ARHGAP26: variants seen among roughly 807,000 people sequenced by gnomAD.
ARHGAP26 encodes rho GTPase-activating protein 26.
In ARHGAP26, 38 loss-of-function variants were observed where a neutral mutation model predicts 104.8. The observed-to-expected ratio is 0.36, with a 90% CI of 0.28 to 0.48. ARHGAP26 has a LOEUF of 0.48. Ranked by LOEUF, ARHGAP26 falls within the 20% of genes least tolerant of loss-of-function variation. The pLI is 0.99. For missense variants in ARHGAP26, 704 were observed against 947.9 expected, an observed-to-expected ratio of 0.74 and a Z score of 3.38; for synonymous variants, 341 against 340.0, an observed-to-expected ratio of 1.00 and a Z score of -0.03.
In ARHGAP26 at chr5:143,224,355, C is replaced by T. The variant is rs780010225; in HGVS notation, c.*1909C>T. The T allele has an allele frequency of 7.8e-5, 18 of 230,080 alleles. No homozygotes were observed. The highest frequency in any genetic ancestry group is 2.7e-4 in the African/African-American group (12 of 45,116). 14.3% of individuals were successfully genotyped at this position (230,080 alleles called of 1,614,324 possible). On this transcript the variant is annotated 3_prime_UTR_variant, in exon 23 of 23. Coordinates refer to ENST00000645722, the MANE Select transcript of ARHGAP26 (RefSeq NM_001135608.3). ...CTCTCTGCTGTCCTGTTGGTGGGCACGACACATCAGTGGTGTTCAGTCTTT... is the reference window on the plus strand; with the variant it reads ...CTCTCTGCTGTCCTGTTGGTGGGCATGACACATCAGTGGTGTTCAGTCTTT...
At chr5:143,007,194 GAAAA>G (rs34602049) in intron 11 of ARHGAP26, among the ~76,000 whole-genome samples, 3 of 69,584 alleles carry the variant, frequency 4.3e-5, no homozygotes, top group Admixed American at 1.6e-4. Flanking sequence ...CTCTGTCTCC[GAAAA>G]AAAAAAAAAA....
Position 142,791,912 on chromosome 5 carries a change from C to T in ARHGAP26, c.154+20997C>T, listed in dbSNP as rs922437966. Reference sequence around the variant, plus strand: ...CCGGGAGGCGGAGGTTGCAGTGAGCCGAGATCACAACAAGAGCAAAACCCG... The same window carrying T: ...CCGGGAGGCGGAGGTTGCAGTGAGCTGAGATCACAACAAGAGCAAAACCCG... On this transcript the variant is annotated intron_variant, in intron 1 of 22. Transcript: ENST00000645722. Among the ~76,000 whole-genome samples, 7 of 128,548 alleles carry T rather than the reference C, an allele frequency of 5.4e-5. No homozygotes were observed. In the East Asian group the frequency reaches 8.9e-4, roughly 16 times the overall value. The allele number at this position is 128,548 out of a possible 152,430, so 84.3% of individuals were successfully genotyped here. A position where few individuals can be genotyped will look rare whatever the true frequency, so the allele number is the denominator to read the frequency against.
chr5:142,844,051 GTTT>G (rs34122289), intron 1 of ARHGAP26, among the ~76,000 whole-genome samples: 3 of 132,148 alleles, frequency 2.3e-5, no homozygotes, highest in African/African-American at 5.7e-5. Context: ...CTAAAAGTGA[GTTT>G]TTTTTTTTTT....
chr5:143,206,255 T>C (rs3776225), intron 20 of ARHGAP26, among the ~76,000 whole-genome samples: 28,322 of 152,228 alleles, frequency 0.19, 2,987 homozygotes, highest in South Asian at 0.4. Flanking sequence ...TGGCAAGTGG[T>C]GGTGTGGCTG....
Position 143,194,956 on chromosome 5 carries a change from G to T in ARHGAP26, c.1989-12242G>T, listed in dbSNP as rs150499446. Among the ~76,000 whole-genome samples, 25 of 152,280 alleles carry T rather than the reference G, an allele frequency of 1.6e-4. 1 individual carries two copies. In the East Asian group the frequency reaches 4.8e-3, roughly 29 times the overall value. ...TGGTCACGCTGAAGGAGCAGGGCCAGGTGTGGAAGATATAAATGGAGTAGA... is the reference window on the plus strand; with the variant it reads ...TGGTCACGCTGAAGGAGCAGGGCCATGTGTGGAAGATATAAATGGAGTAGA... On this transcript the variant is annotated intron_variant, in intron 20 of 22. Transcript: ENST00000645722.
intron 17 of ARHGAP26, among the ~76,000 whole-genome samples, chr5:143,099,863 A>C (rs1599010741): frequency 6.6e-6 from 1 of 152,244 alleles, no homozygotes; most frequent in Non-Finnish European, 1.5e-5. Flanking sequence ...AACAATAATA[A>C]GGGATTAAAA....
intron 5 of ARHGAP26, among the ~76,000 whole-genome samples, chr5:142,888,605 C>T (rs959907860): frequency 2.0e-5 from 3 of 152,148 alleles, no homozygotes; most frequent in Non-Finnish European, 2.9e-5. Flanking sequence ...GGGTTCTGCA[C>T]GGAATGCTTT....
At chr5:142,827,993 G>A (rs1051699900) in intron 1 of ARHGAP26, among the ~76,000 whole-genome samples, 1 of 152,080 alleles carries the variant, frequency 6.6e-6, no homozygotes, top group East Asian at 1.9e-4. Context: ...GCTTTTCTTG[G>A]TCTTCCAAGT....
At chr5:143,179,167 C>T in intron 20 of ARHGAP26, among the ~76,000 whole-genome samples, 1 of 152,168 alleles carries the variant, frequency 6.6e-6, no homozygotes, top group African/African-American at 2.4e-5. Flanking sequence ...CCGCGCCCAG[C>T]CATTTATCAT....
chr5:143,203,001 A>G (rs1808000003), intron 20 of ARHGAP26: 1 of 152,236 alleles, frequency 6.6e-6, no homozygotes, highest in South Asian at 2.1e-4. Flanking sequence ...AATACCATTC[A>G]GGACATTGGC....
chr5:142,787,876 G>GT (rs928267904), intron 1 of ARHGAP26, among the ~76,000 whole-genome samples: 1 of 151,982 alleles, frequency 6.6e-6, no homozygotes, highest in African/African-American at 2.4e-5. Flanking sequence ...CTCTAAGATG[G>GT]TTTTTGGTGG....
intron 11 of ARHGAP26, among the ~76,000 whole-genome samples, chr5:142,977,348 A>G (rs948295925): frequency 1.3e-5 from 2 of 152,188 alleles, no homozygotes; most frequent in Non-Finnish European, 2.9e-5. Context: ...TGCTGGGCCA[A>G]TAAAGAGAAC....
intron 10 of ARHGAP26, among the ~76,000 whole-genome samples, chr5:142,919,669 A>G (rs1310367603): frequency 6.6e-6 from 1 of 151,978 alleles, no homozygotes; most frequent in Non-Finnish European, 1.5e-5. Flanking sequence ...TTTTTACATG[A>G]TTATAGCCTA....
At chr5:143,217,387 T>A (rs894157019) in intron 22 of ARHGAP26, among the ~76,000 whole-genome samples, 1 of 152,154 alleles carries the variant, frequency 6.6e-6, no homozygotes, top group Non-Finnish European at 1.5e-5. Context: ...ACTGGGAAAC[T>A]GTCCATTTCA....
intron 20 of ARHGAP26, among the ~76,000 whole-genome samples, chr5:143,151,336 T>C (rs1449608887): frequency 6.6e-6 from 1 of 152,236 alleles, no homozygotes; most frequent in Admixed American, 6.5e-5. Flanking sequence ...TACAAAGTGA[T>C]ACAGCCATTT....
At chr5:142,834,116 A>G (rs890825013) in intron 1 of ARHGAP26, among the ~76,000 whole-genome samples, 2 of 152,208 alleles carry the variant, frequency 1.3e-5, no homozygotes, top group Admixed American at 1.3e-4. Context: ...ACATACCCCT[A>G]TTTCTCAAAG....
intron 12 of ARHGAP26, among the ~76,000 whole-genome samples, chr5:143,022,279 G>T (rs1031719547): frequency 2.6e-5 from 4 of 151,966 alleles, no homozygotes; most frequent in Non-Finnish European, 4.4e-5. Context: ...CACCATGTTG[G>T]CCAGGCTGGT....
intron 1 of ARHGAP26, among the ~76,000 whole-genome samples, chr5:142,836,434 T>C (rs1769583539): frequency 6.6e-6 from 1 of 152,256 alleles, no homozygotes; most frequent in Non-Finnish European, 1.5e-5. Context: ...CAAAGCCCTT[T>C]ACCTGGGCTA....
chr5:143,179,353 G>A (rs891592709), intron 20 of ARHGAP26, among the ~76,000 whole-genome samples: 2 of 152,224 alleles, frequency 1.3e-5, no homozygotes, highest in Admixed American at 6.5e-5. Flanking sequence ...GAGAGGCAGC[G>A]AAGAGAGCTG....
Sources: gnomAD v4.1 joint callset for allele counts (sites outside exome capture counted in the v4.1 genomes callset) on GRCh38, gnomAD v4.1.1 for gene constraint, MANE v1.5 for transcripts, NCBI Gene and HGNC (gene_info 2026-07-23, HGNC 2026-07-21) for gene names.